ZNF280D: variants seen among roughly 807,000 people sequenced by gnomAD.
ZNF280D encodes zinc finger protein 280D.
ZNF280D carries 39 observed loss-of-function variants against 94.7 expected under a neutral mutation model. The observed-to-expected ratio is 0.41, with a 90% CI of 0.32 to 0.54. The LOEUF (loss-of-function observed/expected upper bound fraction) is 0.54. Ranked by LOEUF, ZNF280D falls within the 20% of genes least tolerant of loss-of-function variation. ZNF280D has a pLI of 0.22. For synonymous variants in ZNF280D, 398 were observed against 377.6 expected (o/e 1.05, Z -0.63); for missense variants, 1,090 against 1,149.3 (o/e 0.95, Z 0.75).
chr15:56,661,804 G>A (rs1328359274), intron 16 of ZNF280D, among the ~76,000 whole-genome samples: 1 of 152,058 alleles, frequency 6.6e-6, no homozygotes, highest in Non-Finnish European at 1.5e-5. Context: ...GAAATTAATA[G>A]CTATCATTAC....
At position 56,701,051 on chromosome 15, in the gene ZNF280D, G is replaced by C; in HGVS notation, c.263C>G (p.Pro88Arg). ...LSRGITAAFK[P>R]TSQHYTNPTS... ...TGGATTCGTGTAGTGTTGACTTGTA[G>C]GCTTGAATGCAGCAGTAATACCTGT... Residue 88 changes from proline to arginine, a missense_variant, in exon 6 of 22, where the codon CCT becomes CGT. By Grantham distance (103) the Pro-to-Arg change is moderately radical (BLOSUM62 -2). This residue lies in a region of ZNF280D where 386 missense variants were observed against 372.0 expected (regional missense o/e 1.04). Transcript: ENST00000267807. 11 of 1,613,790 alleles carry C rather than the reference G, an allele frequency of 6.8e-6. No homozygotes were observed. Among genetic ancestry groups the C allele is most frequent in the Non-Finnish European group, 9.3e-6 (11 of 1,179,786 alleles).
intron 1 of ZNF280D, among the ~76,000 whole-genome samples, chr15:56,710,072 G>T (rs1444805872): frequency 6.6e-6 from 1 of 152,200 alleles, no homozygotes; most frequent in African/African-American, 2.4e-5. Flanking sequence ...GTTCAATGGA[G>T]ACATCAAAGG....
intron 13 of ZNF280D, among the ~76,000 whole-genome samples, chr15:56,676,424 A>T (rs1169793958): frequency 6.6e-6 from 1 of 151,962 alleles, no homozygotes; most frequent in African/African-American, 2.4e-5. Flanking sequence ...TTTTCTGTCA[A>T]TCCTCAGCTT....
intron 11 of ZNF280D, 98 bp from the exon 12 acceptor site, chr15:56,677,772 G>T: frequency 2.5e-6 from 1 of 395,560 alleles, no homozygotes; most frequent in Non-Finnish European, 4.2e-6. Flanking sequence ...TAGCAGTAGG[G>T]ACAGTTGTGA....
intron 1 of ZNF280D, among the ~76,000 whole-genome samples, chr15:56,718,548 T>G (rs1188067815): frequency 1.3e-5 from 2 of 152,332 alleles, no homozygotes; most frequent in South Asian, 4.1e-4. Flanking sequence ...TTCAACAGAC[T>G]GCTTAAATCT....
At chr15:56,636,333 G>A (rs1187545980) in intron 20 of ZNF280D, among the ~76,000 whole-genome samples, 1 of 152,004 alleles carries the variant, frequency 6.6e-6, no homozygotes, top group Admixed American at 6.6e-5. Flanking sequence ...AAAACACCTG[G>A]TATTTGCAGG....
chr15:56,727,146 G>T (rs1330835449), intron 1 of ZNF280D, among the ~76,000 whole-genome samples: 3 of 152,158 alleles, frequency 2.0e-5, no homozygotes, highest in African/African-American at 7.2e-5. Context: ...CAATCTCAAG[G>T]GAAAAGAGTT....
chr15:56,677,185 T>C (rs1488789465), intron 12 of ZNF280D, among the ~76,000 whole-genome samples: 1 of 152,232 alleles, frequency 6.6e-6, no homozygotes, highest in East Asian at 1.9e-4. Flanking sequence ...TCCAGGTTTA[T>C]GGCAATGGCA....
intron 16 of ZNF280D, among the ~76,000 whole-genome samples, chr15:56,665,193 C>T (rs557334786): frequency 6.6e-6 from 1 of 151,986 alleles, no homozygotes; most frequent in African/African-American, 2.4e-5. Flanking sequence ...TCCTTGAAAG[C>T]AGTAGTTGAT....
intron 9 of ZNF280D, among the ~76,000 whole-genome samples, chr15:56,686,163 C>T (rs1246796015): frequency 6.6e-6 from 1 of 152,050 alleles, no homozygotes; most frequent in African/African-American, 2.4e-5. Context: ...ATTTTTGAGA[C>T]AGTCTCACTC....
At chr15:56,640,559 T>C (rs1596327205) in intron 20 of ZNF280D, among the ~76,000 whole-genome samples, 1 of 152,182 alleles carries the variant, frequency 6.6e-6, no homozygotes, top group East Asian at 1.9e-4. Flanking sequence ...TATTATTTTA[T>C]TCTCCTGGCT....
At position 56,676,730 on chromosome 15, in the gene ZNF280D, C is replaced by T. The variant is rs201270916; in HGVS notation, c.1350G>A (p.Pro450=). The change falls in exon 13 of 22, where the codon CCG becomes CCA. Residue 450 remains proline, a synonymous_variant. Transcript: ENST00000267807. ...SHENTKNLLC[P]FCLKVIKIAT... is the part of the protein sequence containing the mutation. ...CAATTTTAATAACTTTGAGGCAAAA[C>T]GGGCATAGCAAGTTCTTAGTGTTTT... is the stretch of plus-strand genomic sequence containing the variant. The T allele has an allele frequency of 6.2e-6, 10 of 1,612,266 alleles. No individual in the cohort carries two copies. The highest frequency in any genetic ancestry group is 1.3e-5 in the African/African-American group (1 of 74,930).
rs561660225 is a variant in ZNF280D, at chr15:56,697,063, C to T, written c.382-3848G>A. On this transcript the variant is annotated intron_variant, in intron 6 of 21. Transcript: ENST00000267807. ...TAATGTTTTGTTTTTCTATTTTTTT[C>T]CCTCAAATGCCAAACAGCTTATAAT... Among the ~76,000 whole-genome samples the T allele has an allele frequency of 3.1e-4, 47 of 152,156 alleles. No homozygotes were observed. In the South Asian group the frequency reaches 7.9e-3, roughly 25 times the overall value.
At chr15:56,683,654 A>T (rs1255839038) in intron 9 of ZNF280D, among the ~76,000 whole-genome samples, 1 of 152,124 alleles carries the variant, frequency 6.6e-6, no homozygotes, top group Non-Finnish European at 1.5e-5. Flanking sequence ...AGTGCCCTAA[A>T]AATTTAGGTG....
chr15:56,706,728 G>A (rs1224059142), intron 3 of ZNF280D, among the ~76,000 whole-genome samples: 1 of 151,792 alleles, frequency 6.6e-6, no homozygotes, highest in African/African-American at 2.4e-5. Context: ...TTTTAACAGG[G>A]CACTGTCATT....
chr15:56,654,083 AC>A (rs1226416569), intron 19 of ZNF280D, 114 bp downstream of exon 19: 13 of 1,509,234 alleles, frequency 8.6e-6, no homozygotes, highest in African/African-American at 2.8e-5. Flanking sequence ...TAAAAAAAAA[AC>A]AAAAAAACAA....
At chr15:56,653,936 G>C in intron 19 of ZNF280D, 1 of 1,348,540 alleles carries the variant, frequency 7.4e-7, no homozygotes, top group Admixed American at 3.2e-5. Flanking sequence ...AATAATGAGA[G>C]CTAGTGTCAT....
At chr15:56,730,127 G>C (rs949423042) in intron 1 of ZNF280D, 1 of 151,932 alleles carries the variant, frequency 6.6e-6, no homozygotes, top group Non-Finnish European at 1.5e-5. Flanking sequence ...ACTTTTCCTC[G>C]TATACTGAGG....
At chr15:56,660,147 T>C (rs559787356) in intron 16 of ZNF280D, among the ~76,000 whole-genome samples, 1 of 152,244 alleles carries the variant, frequency 6.6e-6, no homozygotes, top group African/African-American at 2.4e-5. Flanking sequence ...TGAAATTATA[T>C]GCAAAAACTT....
Sources: allele counts gnomAD v4.1 joint callset (sites outside exome capture counted in the v4.1 genomes callset), GRCh38; gene constraint gnomAD v4.1.1; regional missense constraint gnomAD v4.1.1; transcripts MANE v1.5; gene names NCBI Gene and HGNC (gene_info 2026-07-23, HGNC 2026-07-21).